Variants in BDP1 observed in about 807,000 individuals in gnomAD.
BDP1 encodes transcription factor TFIIIB component B'' homolog.
Under a neutral mutation model 266.6 loss-of-function variants are expected in BDP1, and 169 were observed. That is an observed-to-expected ratio of 0.63 (90% confidence interval 0.56 to 0.72). BDP1 has a LOEUF of 0.72. BDP1 is among the 30% of genes least tolerant of loss of function. The pLI, the probability that BDP1 is intolerant of heterozygous loss-of-function variation, is 0.00. For synonymous variants in BDP1, 1,090 were observed against 1,022.4 expected (o/e 1.07, Z -1.26); for missense variants, 3,015 against 3,053.8 (o/e 0.99, Z 0.30).
chr5:71,486,256 A>G (rs765474879), intron 8 of BDP1, among the ~76,000 whole-genome samples: 6 of 152,196 alleles, frequency 3.9e-5, no homozygotes, highest in Non-Finnish European at 7.3e-5. Context: ...TATTTGTAAT[A>G]AACTAGTTTA....
chr5:71,554,369 G>T (rs1005322576), intron 35 of BDP1, among the ~76,000 whole-genome samples: 4 of 152,108 alleles, frequency 2.6e-5, no homozygotes, highest in African/African-American at 9.7e-5. Context: ...GTAATGAGTT[G>T]CAAATCTTTT....
chr5:71,571,065 A>T (rs551327236), downstream of BDP1, among the ~76,000 whole-genome samples: 1 of 152,246 alleles, frequency 6.6e-6, no homozygotes, highest in Non-Finnish European at 1.5e-5. Context: ...TTCATATTGT[A>T]TTAAGTATTA....
At chr5:71,551,306 T>C (rs938113383) in intron 34 of BDP1, among the ~76,000 whole-genome samples, 5 of 152,260 alleles carry the variant, frequency 3.3e-5, no homozygotes, top group Admixed American at 2.6e-4. Context: ...TAGGGACTGG[T>C]GATGACTCTT....
At chr5:71,575,940 C>G in the BDP1 span, among the ~76,000 whole-genome samples, 9 of 152,314 alleles carry the variant, frequency 5.9e-5, no homozygotes, top group South Asian at 2.1e-4. Context: ...TAATTGGAAT[C>G]TCAACATTGC....
At chr5:71,523,293 C>T (rs1765602008) in intron 24 of BDP1, among the ~76,000 whole-genome samples, 1 of 152,126 alleles carries the variant, frequency 6.6e-6, no homozygotes, top group Non-Finnish European at 1.5e-5. Context: ...CATTTGATCT[C>T]ATATTCTGTA....
intron 35 of BDP1, among the ~76,000 whole-genome samples, chr5:71,554,396 G>T (rs1311772031): frequency 6.6e-6 from 1 of 151,976 alleles, no homozygotes; most frequent in Non-Finnish European, 1.5e-5. Context: ...GTTTGTCATT[G>T]TCTCTTGACT....
rs562351836 is a variant in BDP1, at chr5:71,520,409, TG to T, written c.4992-1879del. Among the ~76,000 whole-genome samples the T allele has an allele frequency of 4.6e-5, 7 of 152,346 alleles. 1 individual carries two copies. In the South Asian group the frequency reaches 1.4e-3, roughly 32 times the overall value. On this transcript the variant is annotated intron_variant, in intron 22 of 38. Coordinates refer to ENST00000358731, the MANE Select transcript of BDP1 (RefSeq NM_018429.3). ...TTTAAAACTGGATATTTTATTGAAA[TG>T]TTTTTTACTAAAATGCATTAGACTT... is the stretch of plus-strand genomic sequence containing the variant.
At chr5:71,515,982 T>A in intron 20 of BDP1, 79 bp from the exon 21 acceptor site, 1 of 993,116 alleles carries the variant, frequency 1.0e-6, no homozygotes, top group Non-Finnish European at 1.5e-6. Flanking sequence ...TTAGAGGAGA[T>A]CCAAATTTTA....
intron 13 of BDP1, among the ~76,000 whole-genome samples, chr5:71,498,061 C>T (rs1293596091): frequency 6.6e-6 from 1 of 152,030 alleles, no homozygotes; most frequent in Non-Finnish European, 1.5e-5. Context: ...CGCCATTCTC[C>T]TGCCTCAGCC....
rs1766976815 is a variant in BDP1, at chr5:71,541,640, T to TA, written c.6211dup (p.Ser2071LysfsTer19). ...GAGGAACAAAGTTCCAGAGAAGAAA[T>TA]AAGTTTAATGGAGAAAGTAAAGGAG... is the stretch of plus-strand genomic sequence containing the variant. On this transcript the variant is annotated frameshift_variant, in exon 29 of 39. Coordinates refer to ENST00000358731, the MANE Select transcript of BDP1 (RefSeq NM_018429.3). LOFTEE classifies it high-confidence loss of function. 6.2e-7 allele frequency: 1 copy of TA among 1,610,524 alleles called. No individual in the cohort carries two copies. Among genetic ancestry groups the TA allele is most frequent in the Non-Finnish European group, 8.5e-7 (1 of 1,178,502 alleles).
chr5:71,501,438 T>A (rs1580082489), intron 13 of BDP1, 124 bp from the exon 14 acceptor site: 1 of 627,384 alleles, frequency 1.6e-6, no homozygotes, highest in Non-Finnish European at 2.8e-6. Flanking sequence ...CCTCCCAAAG[T>A]GCTAGGATTA....
rs1178378355 is a variant in BDP1, at chr5:71,505,181, A to G, written c.2372+430A>G. Among the ~76,000 whole-genome samples, 7 of 151,928 alleles carry G rather than the reference A, an allele frequency of 4.6e-5. No individual in the cohort carries two copies. The East Asian group carries it at 1.2e-3, about 25-fold the overall frequency. ...GCCACCAAGCCCAGCTAATTTTTGT[A>G]TTTTTAGTAGAAACAGGGTTTTACC... is the stretch of plus-strand genomic sequence containing the variant. On this transcript the variant is annotated intron_variant, in intron 16 of 38. Transcript: ENST00000358731.
At chr5:71,559,129 G>A (rs1743444240) in intron 36 of BDP1, among the ~76,000 whole-genome samples, 1 of 152,138 alleles carries the variant, frequency 6.6e-6, no homozygotes, top group African/African-American at 2.4e-5. Flanking sequence ...ACTCCAGCCT[G>A]GACGACAGAG....
intron 32 of BDP1, 94 bp downstream of exon 32, chr5:71,545,313 T>A: frequency 8.9e-7 from 1 of 1,129,704 alleles, no homozygotes; most frequent in South Asian, 1.4e-5. Flanking sequence ...ACTTCACCTC[T>A]TTTATCTTCA....
chr5:71,525,496 AC>A (rs1390291295), intron 25 of BDP1, among the ~76,000 whole-genome samples: 1 of 61,888 alleles, frequency 1.6e-5, no homozygotes, highest in Non-Finnish European at 3.2e-5. Flanking sequence ...GGGGGCTGAC[AC>A]CCCTACCTCC....
At chr5:71,511,331 A>G in intron 17 of BDP1, 180 bp downstream of exon 17, 1 of 645,398 alleles carries the variant, frequency 1.5e-6, no homozygotes, top group South Asian at 2.3e-5. Context: ...GTTCTTTTTT[A>G]AAAAGATAAC....
At chr5:71,496,220 C>T (rs548499977) in intron 12 of BDP1, among the ~76,000 whole-genome samples, 24 of 132,312 alleles carry the variant, frequency 1.8e-4, no homozygotes, top group African/African-American at 6.3e-4. Flanking sequence ...CCAGCCTGGG[C>T]GACAGAGCGA....
chr5:71,480,334 C>T (rs1762875931), intron 7 of BDP1, among the ~76,000 whole-genome samples: 1 of 140,358 alleles, frequency 7.1e-6, no homozygotes, highest in African/African-American at 2.7e-5. Flanking sequence ...CAGGGTTTCA[C>T]CATGTTGGCC....
intron 26 of BDP1, among the ~76,000 whole-genome samples, chr5:71,537,316 C>T (rs558030013): frequency 2.6e-5 from 4 of 152,182 alleles, no homozygotes; most frequent in East Asian, 3.9e-4. Context: ...AATTCAATAT[C>T]GCACACTGTT....
Sources: allele counts gnomAD v4.1 joint callset (sites outside exome capture counted in the v4.1 genomes callset), GRCh38; gene constraint gnomAD v4.1.1; transcripts MANE v1.5; gene names NCBI Gene and HGNC (gene_info 2026-07-23, HGNC 2026-07-21).